The following BCL2 variants were observed in gnomAD, a reference collection of about 807,000 sequenced individuals.
BCL2 encodes BCL2 apoptosis regulator, also known as apoptosis regulator Bcl-2.
In BCL2, 1 loss-of-function variant was observed where a neutral mutation model predicts 14.2. The observed-to-expected ratio is 0.07, with a 90% CI of 0.02 to 0.33. The LOEUF is 0.33. BCL2 is among the 10% of genes least tolerant of loss of function. The pLI, the probability that BCL2 is intolerant of heterozygous loss-of-function variation, is 0.99. For synonymous variants in BCL2, 151 were observed against 137.2 expected (o/e 1.10, Z -0.70); for missense variants, 247 against 305.9 (o/e 0.81, Z 1.44).
At chr18:63,277,293 T>C (rs1330667459) in intron 2 of BCL2, among the ~76,000 whole-genome samples, 1 of 152,170 alleles carries the variant, frequency 6.6e-6, no homozygotes, top group Non-Finnish European at 1.5e-5. Context: ...AGTGAGGATT[T>C]TGTCTATCTT....
intron 2 of BCL2, among the ~76,000 whole-genome samples, chr18:63,188,421 T>C (rs1346529806): frequency 6.6e-6 from 1 of 152,062 alleles, no homozygotes; most frequent in African/African-American, 2.4e-5. Context: ...ATCATAGGGG[T>C]TCAATAAGGG....
intron 2 of BCL2, among the ~76,000 whole-genome samples, chr18:63,257,033 C>T (rs1260738300): frequency 1.3e-5 from 2 of 152,118 alleles, no homozygotes; most frequent in Non-Finnish European, 2.9e-5. Flanking sequence ...AAGGTTATGT[C>T]CTTACTATTT....
chr18:63,147,963 T>A (rs1218739492), intron 2 of BCL2, among the ~76,000 whole-genome samples: 1 of 152,186 alleles, frequency 6.6e-6, no homozygotes, highest in Non-Finnish European at 1.5e-5. Flanking sequence ...CACATTTAAG[T>A]CTTTTCTCAG....
chr18:63,184,028 C>T (rs1409389025), intron 2 of BCL2, among the ~76,000 whole-genome samples: 3 of 152,198 alleles, frequency 2.0e-5, no homozygotes, highest in Non-Finnish European at 2.9e-5. Context: ...GAGAAAAAGG[C>T]CCCGCAAAGA....
intron 2 of BCL2, among the ~76,000 whole-genome samples, chr18:63,137,813 T>G (rs11872403): frequency 0.43 from 64,983 of 152,118 alleles, 14,289 homozygotes; most frequent in Admixed American, 0.48. Context: ...CTTTGACAAG[T>G]GCTGCCTAAG....
At chr18:63,317,645 G>A (rs906400413) in intron 2 of BCL2, 5 of 1,021,574 alleles carry the variant, frequency 4.9e-6, no homozygotes, top group Non-Finnish European at 5.9e-6. Context: ...GCTTGTTTCA[G>A]GGGAGCTTGT....
chr18:63,278,972 T>C (rs1912233726), intron 2 of BCL2, among the ~76,000 whole-genome samples: 1 of 152,208 alleles, frequency 6.6e-6, no homozygotes, highest in South Asian at 2.1e-4. Context: ...GTGGCTGAGT[T>C]GATTGGATAT....
intron 2 of BCL2, among the ~76,000 whole-genome samples, chr18:63,263,003 C>T (rs1911705260): frequency 6.6e-6 from 1 of 152,174 alleles, no homozygotes; most frequent in Admixed American, 6.5e-5. Context: ...AGCAAGATTT[C>T]AAGTTGGAGT....
chr18:63,301,627 A>C (rs945700746), intron 2 of BCL2, among the ~76,000 whole-genome samples: 5 of 152,220 alleles, frequency 3.3e-5, no homozygotes, highest in Non-Finnish European at 5.9e-5. Flanking sequence ...CGAAGGCGCT[A>C]ATGTATTTTG....
intron 2 of BCL2, among the ~76,000 whole-genome samples, chr18:63,246,675 C>T (rs1372494836): frequency 1.3e-5 from 2 of 152,142 alleles, no homozygotes; most frequent in East Asian, 3.9e-4. Flanking sequence ...ACCATATCAC[C>T]ATCCTCCCCA....
chr18:63,141,459 A>C (rs1384555567), intron 2 of BCL2, among the ~76,000 whole-genome samples: 1 of 151,932 alleles, frequency 6.6e-6, no homozygotes, highest in East Asian at 1.9e-4. Context: ...TGTGCTTCCA[A>C]TCTCTTTGCT....
intron 2 of BCL2, among the ~76,000 whole-genome samples, chr18:63,294,680 A>G (rs1475028823): frequency 6.9e-6 from 1 of 144,258 alleles, no homozygotes; most frequent in African/African-American, 2.8e-5. Context: ...AAAAGAAAAG[A>G]AAAAAAAAAG....
intron 2 of BCL2, among the ~76,000 whole-genome samples, chr18:63,250,698 C>T (rs1391797573): frequency 6.6e-6 from 1 of 152,142 alleles, no homozygotes; most frequent in Non-Finnish European, 1.5e-5. Context: ...GATTTTTCTT[C>T]CCACTTACTA....
In BCL2 at chr18:63,281,716, GAA is replaced by G. The variant is rs1568256862; in HGVS notation, c.585+36364_585+36365del. Among the ~76,000 whole-genome samples, 31 of 123,566 alleles carry G rather than the reference GAA, an allele frequency of 2.5e-4. 1 individual carries two copies. Among genetic ancestry groups the G allele is most frequent in the Middle Eastern group, 9.3e-3 (2 of 216 alleles). 81.1% of individuals were successfully genotyped at this position (123,566 alleles called of 152,430 possible). A position where few individuals can be genotyped will look rare whatever the true frequency, so the allele number is the denominator to read the frequency against. On this transcript the variant is annotated intron_variant, in intron 2 of 2. Transcript: ENST00000333681. ...AGAAAGAAAGAAAGAAAGAAAGAAA[GAA>G]AGAAAGAAAGAAAGAAAGAAAAAGA...
At chr18:63,302,827 T>G in intron 2 of BCL2, 5 of 985,358 alleles carry the variant, frequency 5.1e-6, no homozygotes, top group Non-Finnish European at 6.0e-6. Context: ...CCCTTAGCCC[T>G]GCAAATAACA....
At chr18:63,307,883 A>T (rs185444817) in intron 2 of BCL2, among the ~76,000 whole-genome samples, 1 of 152,328 alleles carries the variant, frequency 6.6e-6, no homozygotes, top group Admixed American at 6.5e-5. Flanking sequence ...CATGGGGACA[A>T]ATCTACAAGC....
chr18:63,184,314 C>G (rs1198251485), intron 2 of BCL2, among the ~76,000 whole-genome samples: 1 of 152,248 alleles, frequency 6.6e-6, no homozygotes, highest in African/African-American at 2.4e-5. Context: ...CCTAGGAAAA[C>G]TTCCCTGCAG....
chr18:63,316,845 C>T (rs910306957), intron 2 of BCL2: 2 of 151,202 alleles, frequency 1.3e-5, no homozygotes, highest in Non-Finnish European at 2.9e-5. Flanking sequence ...AAAATAATGA[C>T]ATTAGTCATT....
rs1483246533 is a variant in BCL2, at chr18:63,124,302, T to C, written c.*4323A>G. ...TACCAACCAGAAGGTTGTCATTAAATATCCTGTTAGTTAAAACTGCACATT... is the reference window on the plus strand; with the variant it reads ...TACCAACCAGAAGGTTGTCATTAAACATCCTGTTAGTTAAAACTGCACATT... On this transcript the variant is annotated 3_prime_UTR_variant, in exon 3 of 3. Transcript: ENST00000333681. The C allele has an allele frequency of 1.3e-5, 3 of 228,272 alleles. No homozygotes were observed. Among genetic ancestry groups the C allele is most frequent in the Non-Finnish European group, 2.6e-5 (3 of 114,942 alleles). 14.1% of individuals were successfully genotyped at this position (228,272 alleles called of 1,614,324 possible).
Sources: allele counts gnomAD v4.1 joint callset (sites outside exome capture counted in the v4.1 genomes callset), GRCh38; gene constraint gnomAD v4.1.1; transcripts MANE v1.5; gene names NCBI Gene and HGNC (gene_info 2026-07-23, HGNC 2026-07-21).